Variants in OPCML observed in about 807,000 individuals in gnomAD.
OPCML encodes the protein opioid binding protein/cell adhesion molecule like.
In OPCML, 13 loss-of-function variants were observed where a neutral mutation model predicts 37.8. That is an observed-to-expected ratio of 0.34 (90% CI 0.22 to 0.55). The LOEUF (loss-of-function observed/expected upper bound fraction) is 0.55, where lower values mean the gene tolerates loss of function less well. Ranked by LOEUF, OPCML falls within the 20% of genes least tolerant of loss-of-function variation. OPCML has a pLI of 0.91. For synonymous variants in OPCML, 176 were observed against 168.8 expected, an observed-to-expected ratio of 1.04 and a Z score of -0.33; for missense variants, 341 against 435.6, an observed-to-expected ratio of 0.78 and a Z score of 1.93.
At chr11:133,020,089 C>G (rs1475975625) in intron 1 of OPCML, among the ~76,000 whole-genome samples, 2 of 152,232 alleles carry the variant, frequency 1.3e-5, no homozygotes, top group African/African-American at 2.4e-5. Context: ...GGGTTTCTGT[C>G]TAGCTCGCCA....
intron 2 of OPCML, among the ~76,000 whole-genome samples, chr11:132,714,726 G>A (rs116005939): frequency 0.035 from 5,314 of 152,174 alleles, 321 homozygotes; most frequent in African/African-American, 0.12. Context: ...TAGCACCCCT[G>A]CGGCCTGAAA....
intron 2 of OPCML, among the ~76,000 whole-genome samples, chr11:132,721,509 A>G (rs2135980313): frequency 6.6e-6 from 1 of 152,336 alleles, no homozygotes; most frequent in East Asian, 1.9e-4. Flanking sequence ...CAAGGACCTC[A>G]GATGCCATGT....
intron 2 of OPCML, among the ~76,000 whole-genome samples, chr11:132,700,753 T>G (rs999209543): frequency 4.6e-5 from 7 of 152,168 alleles, no homozygotes; most frequent in African/African-American, 1.4e-4. Context: ...CAGTGTGCGT[T>G]CTGCTGCTGA....
At chr11:132,697,969 T>TTC (rs1943657494) in intron 2 of OPCML, among the ~76,000 whole-genome samples, 2 of 143,592 alleles carry the variant, frequency 1.4e-5, no homozygotes, top group African/African-American at 2.7e-5. Context: ...TTATTTTATT[T>TTC]TATTTTCTAT....
chr11:132,673,714 C>A (rs1203569307), intron 2 of OPCML, among the ~76,000 whole-genome samples: 3 of 152,092 alleles, frequency 2.0e-5, no homozygotes, highest in South Asian at 2.1e-4. Context: ...TATCTGTAAC[C>A]ATTTAGAACT....
At chr11:132,914,431 G>A (rs529238516) in intron 2 of OPCML, among the ~76,000 whole-genome samples, 5 of 152,272 alleles carry the variant, frequency 3.3e-5, no homozygotes, top group East Asian at 1.9e-4. Context: ...TTATGGACTC[G>A]TTTAGATTTA....
intron 2 of OPCML, among the ~76,000 whole-genome samples, chr11:132,937,445 G>A (rs532708697): frequency 1.9e-4 from 29 of 152,022 alleles, no homozygotes; most frequent in East Asian, 5.8e-4. Flanking sequence ...GCTTTAAAAC[G>A]TCTTCTCCCA....
At chr11:132,729,621 G>A (rs998157996) in intron 2 of OPCML, among the ~76,000 whole-genome samples, 1 of 152,202 alleles carries the variant, frequency 6.6e-6, no homozygotes, top group Non-Finnish European at 1.5e-5. Flanking sequence ...AGACTTTGCA[G>A]CAATTGCATC....
intron 3 of OPCML, among the ~76,000 whole-genome samples, chr11:132,538,200 C>T (rs2096346040): frequency 6.6e-6 from 1 of 152,078 alleles, no homozygotes; most frequent in African/African-American, 2.4e-5. Flanking sequence ...AAATGTGATA[C>T]ACCAATACAA....
chr11:132,922,467 G>A (rs1340482708), intron 2 of OPCML, among the ~76,000 whole-genome samples: 1 of 152,108 alleles, frequency 6.6e-6, no homozygotes, highest in African/African-American at 2.4e-5. Context: ...AGCAAAAGCA[G>A]CACGTGTGCG....
At chr11:133,402,198 G>A (rs148510436) in intron 1 of OPCML, among the ~76,000 whole-genome samples, 6 of 152,038 alleles carry the variant, frequency 3.9e-5, no homozygotes, top group African/African-American at 1.2e-4. Flanking sequence ...ATGCTGGAAG[G>A]CATCACAGGG....
chr11:132,492,784 G>T (rs922486636), intron 4 of OPCML, among the ~76,000 whole-genome samples: 9 of 152,096 alleles, frequency 5.9e-5, no homozygotes, highest in African/African-American at 2.2e-4. Context: ...AGGGGACTTT[G>T]TTTTGTGTTG....
chr11:133,410,669 A>AAAAAAAAAAAC (rs1945632040), intron 1 of OPCML, among the ~76,000 whole-genome samples: 1 of 124,198 alleles, frequency 8.1e-6, no homozygotes, highest in African/African-American at 3.8e-5. Flanking sequence ...AAAAAAAAAA[A>AAAAAAAAAAAC]AAAAGACCTC....
chr11:133,295,058 A>G (rs1463587422), intron 1 of OPCML, among the ~76,000 whole-genome samples: 2 of 151,890 alleles, frequency 1.3e-5, no homozygotes, highest in Non-Finnish European at 2.9e-5. Context: ...TCCTGACCTC[A>G]GGCGATCCAC....
intron 2 of OPCML, among the ~76,000 whole-genome samples, chr11:132,802,322 C>T (rs1226771328): frequency 3.3e-5 from 5 of 152,100 alleles, no homozygotes; most frequent in Non-Finnish European, 7.4e-5. Context: ...TCCGTGGCTT[C>T]TTATTGTACT....
At chr11:133,436,522 G>C (rs1432651978) in intron 1 of OPCML, among the ~76,000 whole-genome samples, 1 of 152,124 alleles carries the variant, frequency 6.6e-6, no homozygotes, top group African/African-American at 2.4e-5. Flanking sequence ...TGGAGGTTCT[G>C]GGCTGTTAAG....
chr11:133,355,316 T>C (rs769661821), intron 1 of OPCML, among the ~76,000 whole-genome samples: 1 of 152,184 alleles, frequency 6.6e-6, no homozygotes, highest in Non-Finnish European at 1.5e-5. Flanking sequence ...AGTTCCAAGG[T>C]AACTGTTAAT....
intron 7 of OPCML, among the ~76,000 whole-genome samples, chr11:132,422,494 A>G (rs1040120171): frequency 6.6e-6 from 1 of 152,166 alleles, no homozygotes; most frequent in Admixed American, 6.5e-5. Context: ...CATTCTCAAG[A>G]GTGGAAATGA....
At chr11:132,554,808 C>A (rs188685633) in intron 3 of OPCML, among the ~76,000 whole-genome samples, 1 of 140,824 alleles carries the variant, frequency 7.1e-6, no homozygotes, top group East Asian at 2.1e-4. Flanking sequence ...TCTTTCATTG[C>A]AAATAGCATC....
Sources: allele counts gnomAD v4.1 joint callset (sites outside exome capture counted in the v4.1 genomes callset), GRCh38; gene constraint gnomAD v4.1.1; transcripts MANE v1.5; gene names NCBI Gene and HGNC (gene_info 2026-07-23, HGNC 2026-07-21).